The following AGBL4 variants were observed in gnomAD, a reference collection of about 807,000 sequenced individuals.
AGBL4 encodes cytosolic carboxypeptidase 6.
Under a neutral mutation model 66.4 loss-of-function variants are expected in AGBL4, and 58 were observed. The ratio of observed to expected loss-of-function variants is 0.87; its 90% confidence interval spans 0.71 to 1.09. The LOEUF (loss-of-function observed/expected upper bound fraction) is 1.09, where lower values mean the gene tolerates loss of function less well. Ranked by LOEUF, AGBL4 falls within the 50% of genes least tolerant of loss-of-function variation. The probability of loss-of-function intolerance (pLI) is 0.00; values close to 1 mark genes in which losing one functional copy is unlikely to be tolerated. For missense variants in AGBL4, 579 were observed against 631.0 expected (o/e 0.92, Z 0.88); for synonymous variants, 234 against 222.9 (o/e 1.05, Z -0.44).
At position 49,541,106 on chromosome 1, in the gene AGBL4, AG is replaced by A. The variant is rs1651974929; in HGVS notation, c.282+156206del. Among the ~76,000 whole-genome samples, 3 of 152,226 alleles carry A rather than the reference AG, an allele frequency of 2.0e-5. No homozygotes were observed. The South Asian group carries it at 6.2e-4, about 31-fold the overall frequency. ...TGGGAATAAAACTTACAGACTATAG[AG>A]TTTACATGAAAATTATATGTGACAA... On this transcript the variant is annotated intron_variant, in intron 3 of 13. Coordinates refer to ENST00000371839, the MANE Select transcript of AGBL4 (RefSeq NM_032785.4).
At chr1:49,897,568 A>C (rs1185083508) in intron 1 of AGBL4, among the ~76,000 whole-genome samples, 1 of 152,056 alleles carries the variant, frequency 6.6e-6, no homozygotes, top group East Asian at 1.9e-4. Context: ...CCCTGTCAAA[A>C]TATAATGACA....
chr1:50,013,487 C>A (rs1425650356), intron 1 of AGBL4, among the ~76,000 whole-genome samples: 3 of 152,130 alleles, frequency 2.0e-5, no homozygotes, highest in African/African-American at 7.2e-5. Flanking sequence ...ATTTGATAAA[C>A]CTAAACTGAG....
intron 9 of AGBL4, among the ~76,000 whole-genome samples, chr1:48,624,825 GT>G (rs758554201): frequency 3.3e-5 from 5 of 152,058 alleles, no homozygotes; most frequent in Admixed American, 6.6e-5. Flanking sequence ...GGCTTGGAAT[GT>G]TTTTTTCTCC....
At chr1:49,388,076 C>T (rs1557893220) in intron 3 of AGBL4, among the ~76,000 whole-genome samples, 1 of 152,030 alleles carries the variant, frequency 6.6e-6, no homozygotes, top group Non-Finnish European at 1.5e-5. Context: ...TTGTCAGGTA[C>T]TCAATTTATG....
At chr1:49,011,525 T>C (rs1317414283) in intron 5 of AGBL4, among the ~76,000 whole-genome samples, 1 of 152,176 alleles carries the variant, frequency 6.6e-6, no homozygotes, top group Non-Finnish European at 1.5e-5. Flanking sequence ...GCCATCCCAT[T>C]ACTGGGTATA....
intron 5 of AGBL4, among the ~76,000 whole-genome samples, chr1:48,998,798 G>A (rs959121161): frequency 1.3e-5 from 2 of 152,168 alleles, no homozygotes; most frequent in Non-Finnish European, 2.9e-5. Context: ...TGTTCTTTAA[G>A]TCACAGTACT....
At chr1:49,343,805 G>A (rs2148508952) in intron 3 of AGBL4, among the ~76,000 whole-genome samples, 1 of 152,198 alleles carries the variant, frequency 6.6e-6, no homozygotes, top group South Asian at 2.1e-4. Context: ...TGATTAACTG[G>A]CTTAAAAATA....
At chr1:49,217,299 C>T (rs967357770) in intron 4 of AGBL4, among the ~76,000 whole-genome samples, 5 of 152,002 alleles carry the variant, frequency 3.3e-5, no homozygotes, top group Non-Finnish European at 7.4e-5. Flanking sequence ...CTTCCTCCAC[C>T]CCCATTTACG....
intron 6 of AGBL4, among the ~76,000 whole-genome samples, chr1:48,767,156 G>A (rs916081886): frequency 2.6e-5 from 4 of 152,154 alleles, no homozygotes; most frequent in African/African-American, 9.7e-5. Context: ...TGAATCAGGT[G>A]GTCCTAATTT....
intron 1 of AGBL4, among the ~76,000 whole-genome samples, chr1:49,855,792 T>C (rs1646417876): frequency 6.6e-6 from 1 of 151,918 alleles, no homozygotes; most frequent in Admixed American, 6.6e-5. Context: ...AATTACTACA[T>C]CAATAAAGCA....
intron 2 of AGBL4, among the ~76,000 whole-genome samples, chr1:49,742,975 C>G (rs1004629514): frequency 1.3e-5 from 2 of 152,154 alleles, no homozygotes; most frequent in African/African-American, 4.8e-5. Flanking sequence ...CAATACCATT[C>G]AGGACATAGG....
intron 2 of AGBL4, among the ~76,000 whole-genome samples, chr1:49,789,419 G>C (rs1251293529): frequency 6.6e-6 from 1 of 152,112 alleles, no homozygotes; most frequent in Non-Finnish European, 1.5e-5. Flanking sequence ...TGACATGATT[G>C]TATGTTTAGA....
At chr1:48,887,696 C>T (rs956411534) in intron 5 of AGBL4, among the ~76,000 whole-genome samples, 1 of 152,150 alleles carries the variant, frequency 6.6e-6, no homozygotes, top group African/African-American at 2.4e-5. Flanking sequence ...CTTTGCTTTT[C>T]AAGATCCGAG....
At chr1:49,428,570 T>C (rs895091388) in intron 3 of AGBL4, among the ~76,000 whole-genome samples, 3 of 152,240 alleles carry the variant, frequency 2.0e-5, no homozygotes, top group Non-Finnish European at 2.9e-5. Context: ...GCCTGGAGTT[T>C]ACTTGGCAAG....
At chr1:49,877,008 T>C (rs1286635539) in intron 1 of AGBL4, among the ~76,000 whole-genome samples, 5 of 151,950 alleles carry the variant, frequency 3.3e-5, no homozygotes, top group South Asian at 2.1e-4. Flanking sequence ...ACATTGATTT[T>C]GTATCCTGAG....
intron 11 of AGBL4, among the ~76,000 whole-genome samples, chr1:48,574,999 C>G (rs919220922): frequency 6.6e-6 from 1 of 152,086 alleles, no homozygotes; most frequent in Non-Finnish European, 1.5e-5. Context: ...ATGTCCTACA[C>G]GTAGTCGATG....
At chr1:49,843,814 G>C (rs1246400212) in intron 2 of AGBL4, among the ~76,000 whole-genome samples, 1 of 152,068 alleles carries the variant, frequency 6.6e-6, no homozygotes, top group African/African-American at 2.4e-5. Context: ...ATATGGGGAA[G>C]GTACCCACAT....
chr1:48,877,917 A>T (rs551532941), intron 5 of AGBL4, among the ~76,000 whole-genome samples: 1 of 152,302 alleles, frequency 6.6e-6, no homozygotes, highest in Admixed American at 6.5e-5. Context: ...ATTCACCAGC[A>T]CTAAAGCCCT....
chr1:49,031,305 ACC>A (rs1664208605), intron 5 of AGBL4, among the ~76,000 whole-genome samples: 1 of 152,002 alleles, frequency 6.6e-6, no homozygotes, highest in Admixed American at 6.6e-5. Flanking sequence ...AAATGTTCTC[ACC>A]ACCAAGAAGG....
Sources: allele counts gnomAD v4.1 joint callset (sites outside exome capture counted in the v4.1 genomes callset), GRCh38; gene constraint gnomAD v4.1.1; transcripts MANE v1.5; gene names NCBI Gene and HGNC (gene_info 2026-07-23, HGNC 2026-07-21).